Variants in CALN1 observed in about 807,000 individuals in gnomAD.
The protein encoded by CALN1 is calcium-binding protein 8.
In CALN1, 17 loss-of-function variants were observed where a neutral mutation model predicts 30.6. That is an observed-to-expected ratio of 0.56 (90% CI 0.38 to 0.83). The LOEUF is 0.83. CALN1 is among the 40% of genes least tolerant of loss of function. The pLI, the probability that CALN1 is intolerant of heterozygous loss-of-function variation, is 0.00. For synonymous variants in CALN1, 156 were observed against 131.4 expected, an observed-to-expected ratio of 1.19 and a Z score of -1.28; for missense variants, 291 against 354.9, an observed-to-expected ratio of 0.82 and a Z score of 1.45.
At chr7:72,312,114 C>G (rs1800092783) in intron 2 of CALN1, among the ~76,000 whole-genome samples, 3 of 152,026 alleles carry the variant, frequency 2.0e-5, no homozygotes, top group Admixed American at 2.0e-4. Flanking sequence ...TTCAACAAGT[C>G]ACTCCCAGGC....
rs1036052880 is a variant in CALN1 at position 72,189,255 on chromosome 7, G to C, written c.245-82961C>G. On this transcript the variant is annotated intron_variant, in intron 3 of 6. Coordinates refer to ENST00000395275, the MANE Select transcript of CALN1 (RefSeq NM_031468.4). The stretch of plus-strand genomic sequence containing the variant: ...GGGGTTGATGTCAGGGAGCCAAGTG[G>C]TTGCACTATTTCTGCTGTGTGTCCG... Among the ~76,000 whole-genome samples, 7 of 152,152 alleles carry C rather than the reference G, an allele frequency of 4.6e-5. No individual in the cohort carries two copies. In the South Asian group the frequency reaches 1.4e-3, roughly 32 times the overall value.
intron 5 of CALN1, among the ~76,000 whole-genome samples, chr7:71,906,976 C>A (rs553274965): frequency 3.3e-5 from 5 of 152,268 alleles, no homozygotes; most frequent in African/African-American, 9.6e-5. Flanking sequence ...GGTTTCCCCA[C>A]CCGGTTCAGG....
At chr7:72,246,939 A>G (rs570524992) in intron 3 of CALN1, among the ~76,000 whole-genome samples, 12 of 152,010 alleles carry the variant, frequency 7.9e-5, no homozygotes, top group Non-Finnish European at 1.5e-4. Context: ...TTTTTAGTAG[A>G]GACAGGGTTT....
At chr7:71,986,060 T>C (rs999646487) in intron 5 of CALN1, among the ~76,000 whole-genome samples, 2 of 152,036 alleles carry the variant, frequency 1.3e-5, no homozygotes, top group South Asian at 4.1e-4. Flanking sequence ...CTTTCTCTTT[T>C]TTTTTTGAGA....
chr7:71,906,467 T>C (rs950920147), intron 5 of CALN1, among the ~76,000 whole-genome samples: 6 of 152,006 alleles, frequency 3.9e-5, no homozygotes, highest in East Asian at 1.9e-4. Flanking sequence ...TCCAGGGCAA[T>C]AGGGACAGGT....
intron 2 of CALN1, among the ~76,000 whole-genome samples, chr7:72,326,402 T>C (rs906078698): frequency 3.3e-5 from 5 of 152,254 alleles, no homozygotes; most frequent in African/African-American, 1.2e-4. Flanking sequence ...ATCTGTAAAA[T>C]GGGAGAAATA....
chr7:72,066,111 T>A (rs1804004557), intron 4 of CALN1, among the ~76,000 whole-genome samples: 1 of 152,228 alleles, frequency 6.6e-6, no homozygotes, highest in Non-Finnish European at 1.5e-5. Flanking sequence ...CTCTTGTTTT[T>A]GTATAGTTGA....
At chr7:72,256,051 G>C (rs952942919) in intron 3 of CALN1, among the ~76,000 whole-genome samples, 3 of 152,208 alleles carry the variant, frequency 2.0e-5, no homozygotes, top group Non-Finnish European at 4.4e-5. Flanking sequence ...TTTAAGGAGA[G>C]ATATACGGAA....
chr7:71,973,665 T>C (rs1298821420), intron 5 of CALN1, among the ~76,000 whole-genome samples: 1 of 151,818 alleles, frequency 6.6e-6, no homozygotes, highest in Non-Finnish European at 1.5e-5. Context: ...TAAACCCTCA[T>C]TAAGAATTTT....
At chr7:72,492,973 TC>T in the CALN1 span, among the ~76,000 whole-genome samples, 1 of 152,338 alleles carries the variant, frequency 6.6e-6, no homozygotes, top group South Asian at 2.1e-4. Flanking sequence ...ACACGAGTAT[TC>T]TTTTTTACAG....
At chr7:72,084,776 C>T (rs1271309448) in intron 4 of CALN1, among the ~76,000 whole-genome samples, 2 of 152,114 alleles carry the variant, frequency 1.3e-5, no homozygotes, top group African/African-American at 4.8e-5. Flanking sequence ...ACAGTAGTTC[C>T]CCCTCACCTG....
intron 4 of CALN1, among the ~76,000 whole-genome samples, chr7:72,084,793 C>A (rs1805375429): frequency 6.6e-6 from 1 of 152,152 alleles, no homozygotes; most frequent in Non-Finnish European, 1.5e-5. Flanking sequence ...CCTGTGGATT[C>A]ACTTTCTGCG....
the CALN1 span, among the ~76,000 whole-genome samples, chr7:72,490,937 T>C: frequency 6.6e-6 from 1 of 152,208 alleles, no homozygotes; most frequent in African/African-American, 2.4e-5. Flanking sequence ...ATGTATGTAA[T>C]GCCTAGTGCT....
chr7:72,068,636 C>T (rs1398881875), intron 4 of CALN1, among the ~76,000 whole-genome samples: 6 of 152,132 alleles, frequency 3.9e-5, no homozygotes, highest in African/African-American at 9.7e-5. Flanking sequence ...AACAGACGCC[C>T]GCCACCATGC....
chr7:72,290,052 T>A (rs1798367729), intron 2 of CALN1, among the ~76,000 whole-genome samples: 1 of 120,556 alleles, frequency 8.3e-6, no homozygotes, highest in Non-Finnish European at 1.6e-5. Context: ...TACTCCAGCC[T>A]GGGTAACAGA....
upstream of CALN1, among the ~76,000 whole-genome samples, chr7:72,413,574 A>T (rs948405826): frequency 6.7e-6 from 1 of 150,300 alleles, no homozygotes; most frequent in Non-Finnish European, 1.5e-5. Context: ...TGCACACCAC[A>T]CACACACTCA....
chr7:72,301,105 G>A (rs1214746751), intron 2 of CALN1, among the ~76,000 whole-genome samples: 2 of 152,190 alleles, frequency 1.3e-5, no homozygotes, highest in East Asian at 3.8e-4. Flanking sequence ...CATCTTTACA[G>A]ACGTAATTGG....
At chr7:72,297,225 TTC>T (rs1011795846) in intron 2 of CALN1, among the ~76,000 whole-genome samples, 2 of 152,204 alleles carry the variant, frequency 1.3e-5, no homozygotes, top group African/African-American at 4.8e-5. Flanking sequence ...TATTTAAATG[TTC>T]TCTTTTATCT....
chr7:72,262,313 A>T (rs942619693), intron 3 of CALN1, among the ~76,000 whole-genome samples: 8 of 152,206 alleles, frequency 5.3e-5, no homozygotes, highest in Non-Finnish European at 1.0e-4. Flanking sequence ...TGTTTCCCAC[A>T]TCGAAACCCA....
Sources: allele counts gnomAD v4.1 joint callset (sites outside exome capture counted in the v4.1 genomes callset), GRCh38; gene constraint gnomAD v4.1.1; transcripts MANE v1.5; gene names NCBI Gene and HGNC (gene_info 2026-07-23, HGNC 2026-07-21).